PDE4D: variants seen among roughly 807,000 people sequenced by gnomAD.
PDE4D encodes the protein 3',5'-cyclic-AMP phosphodiesterase 4D.
A neutral mutation model predicts 87.4 loss-of-function variants in PDE4D; 24 were observed. The ratio of observed to expected loss-of-function variants is 0.27; its 90% confidence interval spans 0.20 to 0.39. PDE4D has a LOEUF of 0.39. Ranked by LOEUF, PDE4D falls within the 10% of genes least tolerant of loss-of-function variation. The probability of loss-of-function intolerance (pLI) is 1.00; values close to 1 mark genes in which losing one functional copy is unlikely to be tolerated. For synonymous variants in PDE4D, 384 were observed against 383.2 expected, an observed-to-expected ratio of 1.00 and a Z score of -0.02; for missense variants, 714 against 1,041.0, an observed-to-expected ratio of 0.69 and a Z score of 4.32.
chr5:60,337,388 T>TATACACACAC lies in PDE4D; in HGVS notation c.-90+150553_-90+150554insGTGTGTGTAT, dbSNP rs66871903. Among the ~76,000 whole-genome samples, 337 of 89,350 alleles carry TATACACACAC rather than the reference T, an allele frequency of 3.8e-3. 2 individuals are homozygous for TATACACACAC. Among genetic ancestry groups the TATACACACAC allele is most frequent in the Non-Finnish European group, 6.2e-3 (283 of 45,794 alleles). The allele number at this position is 89,350 out of a possible 152,430, so 58.6% of individuals were successfully genotyped here. On this transcript the variant is annotated intron_variant, in intron 1 of 16. Coordinates refer to the PDE4D transcript ENST00000502484. ...ATATATATATATATATATATATATATACACACACACACACACACATATATC... is the reference window on the plus strand; with the variant it reads ...ATATATATATATATATATATATATATATACACACACACACACACACACACACACATATATC...
At chr5:59,878,916 T>TTTA (rs1749011996) in intron 1 of PDE4D, among the ~76,000 whole-genome samples, 1 of 97,574 alleles carries the variant, frequency 1.0e-5, no homozygotes, top group Non-Finnish European at 2.1e-5. Context: ...TTTTTTTTTT[T>TTTA]GAGACAGAGT....
chr5:59,456,818 G>A (rs1582694085), intron 1 of PDE4D, among the ~76,000 whole-genome samples: 1 of 152,158 alleles, frequency 6.6e-6, no homozygotes, highest in Non-Finnish European at 1.5e-5. Flanking sequence ...GGGTTCAAGT[G>A]AAGGAATTAA....
At chr5:60,176,762 T>C (rs1341604926) in intron 2 of PDE4D, among the ~76,000 whole-genome samples, 1 of 152,150 alleles carries the variant, frequency 6.6e-6, no homozygotes, top group Non-Finnish European at 1.5e-5. Flanking sequence ...CTGGTTAAGG[T>C]CTGTGTCTGG....
At position 60,047,673 on chromosome 5, in the gene PDE4D, C is replaced by T. The variant is rs889164122; in HGVS notation, c.43-58956G>A. ...GTTGTTCAGTTTCCATGTAGTTGAG[C>T]GGTTTTGAATGAGATTCTTAATCCT... On this transcript the variant is annotated intron_variant, in intron 2 of 16. Coordinates refer to the PDE4D transcript ENST00000502484. Among the ~76,000 whole-genome samples, 255 of 152,144 alleles carry T rather than the reference C, an allele frequency of 1.7e-3. 2 individuals carry two copies. In the South Asian group the frequency reaches 0.027, roughly 16 times the overall value.
intron 1 of PDE4D, among the ~76,000 whole-genome samples, chr5:60,473,210 G>A (rs702559): frequency 6.2e-5 from 9 of 144,254 alleles, no homozygotes; most frequent in East Asian, 4.2e-4. Context: ...AGAAAGAAAA[G>A]AAAGAGAAAG....
chr5:59,325,468 G>T (rs1775478871), intron 1 of PDE4D, among the ~76,000 whole-genome samples: 1 of 152,054 alleles, frequency 6.6e-6, no homozygotes, highest in African/African-American at 2.4e-5. Flanking sequence ...ATAGCAAAAG[G>T]ACCTACACAG....
chr5:59,693,431 C>A (rs1751284072), intron 1 of PDE4D, among the ~76,000 whole-genome samples: 1 of 151,952 alleles, frequency 6.6e-6, no homozygotes, highest in South Asian at 2.1e-4. Flanking sequence ...TAAAGCTAAG[C>A]CAAAAAGAAG....
upstream of PDE4D, among the ~76,000 whole-genome samples, chr5:60,492,068 A>G (rs1462766574): frequency 2.0e-5 from 3 of 152,046 alleles, no homozygotes; most frequent in East Asian, 5.8e-4. Flanking sequence ...GCACATGTAT[A>G]CATATGTAAC....
Position 58,993,435 on chromosome 5 carries a change from G to A in PDE4D, c.952C>T (p.His318Tyr). ...FKRMLNRELT[H>Y]LSEMSRSGNQ... is the part of the protein sequence containing the mutation. The stretch of plus-strand genomic sequence containing the variant: ...CCAGACCGACTCATTTCAGAGAGAT[G>A]GGTGAGCTCCCGATTAAGCATCCTT... Residue 318 changes from histidine (H) to tyrosine (Y), a missense_variant, in exon 7 of 15, where the codon CAT becomes TAT. Around this residue, in one of 7 missense-constraint regions of PDE4D, gnomAD observed 90 missense variants for 177.6 expected, o/e 0.51. Transcript: ENST00000340635. The A allele has an allele frequency of 6.3e-7, 1 of 1,599,528 alleles. No individual in the cohort carries two copies. Among genetic ancestry groups the A allele is most frequent in the Non-Finnish European group, 8.5e-7 (1 of 1,173,780 alleles).
At chr5:59,968,679 G>A (rs906018163) in intron 3 of PDE4D, among the ~76,000 whole-genome samples, 1 of 151,994 alleles carries the variant, frequency 6.6e-6, no homozygotes, top group African/African-American at 2.4e-5. Context: ...ACCTAGATTT[G>A]ATATTCTGGC....
At chr5:60,035,307 G>A (rs1042413171) in intron 2 of PDE4D, among the ~76,000 whole-genome samples, 2 of 151,010 alleles carry the variant, frequency 1.3e-5, no homozygotes, top group African/African-American at 4.9e-5. Flanking sequence ...TATCAATGTT[G>A]AGAATAGCAC....
At chr5:59,176,883 A>T (rs946586130) in intron 5 of PDE4D, among the ~76,000 whole-genome samples, 1 of 152,186 alleles carries the variant, frequency 6.6e-6, no homozygotes, top group Non-Finnish European at 1.5e-5. Context: ...AATAAAGGAG[A>T]CAGTGCTGGG....
At chr5:60,377,169 T>C (rs1761499074) in intron 1 of PDE4D, among the ~76,000 whole-genome samples, 1 of 152,194 alleles carries the variant, frequency 6.6e-6, no homozygotes, top group Admixed American at 6.5e-5. Context: ...CACAATACAG[T>C]TTATTGTCAC....
chr5:60,409,921 C>A (rs897732940), intron 1 of PDE4D, among the ~76,000 whole-genome samples: 4 of 152,036 alleles, frequency 2.6e-5, no homozygotes, highest in African/African-American at 9.7e-5. Flanking sequence ...GATGTGTGTG[C>A]CTTAAAGACT....
intron 2 of PDE4D, among the ~76,000 whole-genome samples, chr5:59,996,652 T>G (rs936782098): frequency 6.6e-6 from 1 of 152,208 alleles, no homozygotes; most frequent in Non-Finnish European, 1.5e-5. Flanking sequence ...GTATGTTTTA[T>G]CTTAAAACTG....
intron 1 of PDE4D, among the ~76,000 whole-genome samples, chr5:59,465,199 C>T (rs931220957): frequency 4.6e-5 from 7 of 152,138 alleles, no homozygotes; most frequent in South Asian, 2.1e-4. Flanking sequence ...CTTGGTAAAC[C>T]GTACTGTCCA....
intron 1 of PDE4D, among the ~76,000 whole-genome samples, chr5:59,611,154 A>C (rs554743399): frequency 6.6e-6 from 1 of 152,284 alleles, no homozygotes; most frequent in African/African-American, 2.4e-5. Context: ...ACAGTCCTAG[A>C]AGCTAAGAAG....
chr5:60,175,337 T>A (rs1199895895), intron 2 of PDE4D, among the ~76,000 whole-genome samples: 1 of 152,190 alleles, frequency 6.6e-6, no homozygotes. Context: ...GTGGTCAACC[T>A]TTTCCTTTAG....
intron 1 of PDE4D, among the ~76,000 whole-genome samples, chr5:59,447,282 G>T (rs1483729873): frequency 6.6e-6 from 1 of 152,204 alleles, no homozygotes; most frequent in Admixed American, 6.5e-5. Context: ...TATTCTTCAA[G>T]ATTCCACTGT....
Sources: allele counts gnomAD v4.1 joint callset (sites outside exome capture counted in the v4.1 genomes callset), GRCh38; gene constraint gnomAD v4.1.1; regional missense constraint gnomAD v4.1.1; transcripts MANE v1.5; gene names NCBI Gene and HGNC (gene_info 2026-07-23, HGNC 2026-07-21).